Variants in BST1 observed in about 807,000 individuals in gnomAD.
The protein encoded by BST1 is bone marrow stromal cell antigen 1.
A neutral mutation model predicts 40.6 loss-of-function variants in BST1; 49 were observed. The observed-to-expected ratio is 1.21, with a 90% CI of 0.96 to 1.53. The LOEUF (loss-of-function observed/expected upper bound fraction) is 1.53. Among genes scored for constraint, BST1 ranks in the 40% most tolerant of loss-of-function variants. The pLI is 0.00. For synonymous variants in BST1, 157 were observed against 159.3 expected (o/e 0.99, Z 0.11); for missense variants, 423 against 395.9 (o/e 1.07, Z -0.58).
the BST1 span, among the ~76,000 whole-genome samples, chr4:15,747,581 C>G: frequency 6.6e-6 from 1 of 152,176 alleles, no homozygotes; most frequent in African/African-American, 2.4e-5. Flanking sequence ...TGTCAGCGAG[C>G]TGTGTTATTC....
chr4:15,730,587 G>A (rs1005870738), intron 8 of BST1, among the ~76,000 whole-genome samples: 1 of 152,216 alleles, frequency 6.6e-6, no homozygotes, highest in East Asian at 1.9e-4. Flanking sequence ...GATTCCATTT[G>A]TGCTTAGATA....
chr4:15,754,346 A>G, the BST1 span, among the ~76,000 whole-genome samples: 17 of 152,324 alleles, frequency 1.1e-4, no homozygotes, highest in Admixed American at 1.0e-3. Flanking sequence ...AAAAGAACCC[A>G]AGGAAACAGG....
the BST1 span, among the ~76,000 whole-genome samples, chr4:15,773,129 G>A: frequency 1.5e-3 from 228 of 152,338 alleles, 1 homozygote; most frequent in Admixed American, 4.1e-3. Context: ...GGTGAGAAAG[G>A]AGGTGAACTT....
At chr4:15,748,137 A>G in the BST1 span, among the ~76,000 whole-genome samples, 2 of 152,192 alleles carry the variant, frequency 1.3e-5, no homozygotes, top group Admixed American at 1.3e-4. Flanking sequence ...CCAGCCTTGT[A>G]TATTACGTAC....
intron 8 of BST1, chr4:15,731,012 G>C: frequency 1.7e-6 from 1 of 603,326 alleles, no homozygotes; most frequent in Non-Finnish European, 2.7e-6. Context: ...TATAAGGCCC[G>C]GACATTCTGC....
intron 4 of BST1, 40 bp from the exon 5 acceptor site, chr4:15,715,245 C>G: frequency 6.4e-7 from 1 of 1,571,672 alleles, no homozygotes; most frequent in Non-Finnish European, 8.7e-7. Context: ...AGAAAAATGT[C>G]ACGTCTTTAT....
chr4:15,723,541 C>A (rs1277949435), intron 8 of BST1: 10 of 985,438 alleles, frequency 1.0e-5, no homozygotes, highest in Non-Finnish European at 1.1e-5. Context: ...AGCCACCACG[C>A]CTGGCCCACA....
the BST1 span, among the ~76,000 whole-genome samples, chr4:15,767,129 G>C: frequency 6.7e-6 from 1 of 150,218 alleles, no homozygotes; most frequent in Non-Finnish European, 1.5e-5. Flanking sequence ...GGGAGAGAAA[G>C]TACCCAAAGG....
At chr4:15,771,942 A>G in the BST1 span, among the ~76,000 whole-genome samples, 3 of 152,118 alleles carry the variant, frequency 2.0e-5, no homozygotes, top group Non-Finnish European at 4.4e-5. Context: ...ATACATTAGT[A>G]TGTGAGGAAA....
At chr4:15,764,570 A>T in the BST1 span, among the ~76,000 whole-genome samples, 1 of 152,034 alleles carries the variant, frequency 6.6e-6, no homozygotes, top group African/African-American at 2.4e-5. Context: ...TGGCTCATAT[A>T]TAAACTTTGT....
At chr4:15,737,895 A>C (rs1721629396) in exon 7 of BST1, 2 of 1,061,648 alleles carry the variant, frequency 1.9e-6, no homozygotes, top group Admixed American at 2.3e-5. Context: ...AGGCTCTGGC[A>C]AGAGTTGAGT....
chr4:15,704,591 G>A (rs1719775088), intron 1 of BST1, among the ~76,000 whole-genome samples: 1 of 151,904 alleles, frequency 6.6e-6, no homozygotes, highest in Admixed American at 6.6e-5. Context: ...AGAGGTGAGA[G>A]GTGTGTGTGA....
At chr4:15,764,514 T>G in the BST1 span, among the ~76,000 whole-genome samples, 1 of 151,962 alleles carries the variant, frequency 6.6e-6, no homozygotes, top group African/African-American at 2.4e-5. Flanking sequence ...TTGAGAAAAT[T>G]TTGGCACAAG....
chr4:15,722,992 A>C (rs1349595220), intron 8 of BST1, 58 bp downstream of exon 8: 44 of 1,493,340 alleles, frequency 2.9e-5, no homozygotes, highest in Non-Finnish European at 4.1e-5. Context: ...TCCTTTCAGA[A>C]GTTTTCAGTT....
the BST1 span, among the ~76,000 whole-genome samples, chr4:15,772,007 GTCTCTCTCTC>G: frequency 1.3e-5 from 2 of 148,754 alleles, no homozygotes; most frequent in East Asian, 2.0e-4. Flanking sequence ...AACAATGAAG[GTCTCTCTCTC>G]TCTCTCTCTC....
At chr4:15,719,328 T>A (rs186674694) in intron 7 of BST1, among the ~76,000 whole-genome samples, 2 of 152,308 alleles carry the variant, frequency 1.3e-5, no homozygotes, top group Admixed American at 1.3e-4. Flanking sequence ...TTTGGATCTC[T>A]GTGGGATCCC....
chr4:15,765,869 T>C, the BST1 span, among the ~76,000 whole-genome samples: 1 of 152,040 alleles, frequency 6.6e-6, no homozygotes, highest in African/African-American at 2.4e-5. Flanking sequence ...GCATGTGCTA[T>C]GGTTTACTTA....
intron 7 of BST1, among the ~76,000 whole-genome samples, chr4:15,720,298 G>C (rs1720739461): frequency 6.6e-6 from 1 of 151,982 alleles, no homozygotes; most frequent in Admixed American, 6.6e-5. Flanking sequence ...TTCCTTAATT[G>C]AAGCTCCAGT....
chr4:15,750,680 CA>C, the BST1 span, among the ~76,000 whole-genome samples: 1 of 152,006 alleles, frequency 6.6e-6, no homozygotes, highest in Non-Finnish European at 1.5e-5. Flanking sequence ...AGACTTGGTA[CA>C]AAGATAAAAG....
Sources: allele counts gnomAD v4.1 joint callset (sites outside exome capture counted in the v4.1 genomes callset), GRCh38; gene constraint gnomAD v4.1.1; transcripts MANE v1.5; gene names NCBI Gene and HGNC (gene_info 2026-07-23, HGNC 2026-07-21).